CERK: variants seen among roughly 807,000 people sequenced by gnomAD.
CERK encodes the protein ceramide kinase, also known as acylsphingosine kinase.
Under a neutral mutation model 63.4 loss-of-function variants are expected in CERK, and 39 were observed. That is an observed-to-expected ratio of 0.61 (90% CI 0.48 to 0.80). The LOEUF (loss-of-function observed/expected upper bound fraction) is 0.80. CERK is among the 30% of genes least tolerant of loss of function. The probability of loss-of-function intolerance (pLI) is 0.00; values close to 1 mark genes in which losing one functional copy is unlikely to be tolerated. For synonymous variants in CERK, 302 were observed against 280.0 expected, an observed-to-expected ratio of 1.08 and a Z score of -0.78; for missense variants, 670 against 714.1, an observed-to-expected ratio of 0.94 and a Z score of 0.70.
At chr22:46,699,636 T>G (rs1022066090) in intron 7 of CERK, among the ~76,000 whole-genome samples, 171 bp from the exon 8 acceptor site, 25 of 152,240 alleles carry the variant, frequency 1.6e-4, no homozygotes, top group Admixed American at 1.6e-3. Flanking sequence ...GGATGCCATA[T>G]TTTTTATTCA....
intron 9 of CERK, 114 bp downstream of exon 9, chr22:46,695,096 G>A (rs1238134060): frequency 4.2e-5 from 27 of 638,574 alleles, no homozygotes; most frequent in African/African-American, 1.6e-4. Context: ...GTCTGGGCAC[G>A]CTACATCCGG....
intron 1 of CERK, among the ~76,000 whole-genome samples, chr22:46,725,492 G>A (rs1002064657): frequency 1.3e-5 from 2 of 152,192 alleles, no homozygotes; most frequent in African/African-American, 2.4e-5. Context: ...CGCACAGCAC[G>A]TGGTGTGTGG....
At chr22:46,720,308 A>G in intron 2 of CERK, 100 bp from the exon 3 acceptor site, 1 of 1,437,504 alleles carries the variant, frequency 7.0e-7, no homozygotes, top group Non-Finnish European at 9.3e-7. Context: ...TAGGTTCCTA[A>G]CCAAAATTTC....
chr22:46,722,924 A>T (rs1490771072), intron 1 of CERK, among the ~76,000 whole-genome samples: 1 of 152,084 alleles, frequency 6.6e-6, no homozygotes, highest in African/African-American at 2.4e-5. Flanking sequence ...TGGGTGGAGG[A>T]AGGCGACGTA....
At chr22:46,732,132 C>A (rs182317660) in intron 1 of CERK, among the ~76,000 whole-genome samples, 1 of 152,138 alleles carries the variant, frequency 6.6e-6, no homozygotes, top group Non-Finnish European at 1.5e-5. Context: ...ACCCAGCAGA[C>A]GTGTGGGATC....
intron 1 of CERK, among the ~76,000 whole-genome samples, chr22:46,724,626 G>A (rs905991115): frequency 2.6e-5 from 4 of 152,198 alleles, no homozygotes; most frequent in South Asian, 2.1e-4. Flanking sequence ...GGGGTGGAGC[G>A]ATGAACCCCA....
At chr22:46,698,022 G>A (rs571750890) in intron 8 of CERK, among the ~76,000 whole-genome samples, 16 of 152,314 alleles carry the variant, frequency 1.1e-4, no homozygotes, top group East Asian at 3.9e-4. Flanking sequence ...TGCATGTTCC[G>A]AAGCCCACCC....
intron 1 of CERK, among the ~76,000 whole-genome samples, chr22:46,734,572 T>C (rs907186228): frequency 2.0e-5 from 3 of 152,238 alleles, no homozygotes; most frequent in African/African-American, 7.2e-5. Context: ...GGGTGATGTT[T>C]ACACAGGTGC....
chr22:46,711,881 GGT>G (rs1365519751), intron 4 of CERK, among the ~76,000 whole-genome samples: 1 of 152,056 alleles, frequency 6.6e-6, no homozygotes, highest in Non-Finnish European at 1.5e-5. Flanking sequence ...TGAGCCCAGG[GGT>G]TCGAAACCAG....
chr22:46,722,316 G>C (rs1022365252), intron 1 of CERK, among the ~76,000 whole-genome samples: 1 of 152,178 alleles, frequency 6.6e-6, no homozygotes, highest in African/African-American at 2.4e-5. Flanking sequence ...CTGGGCCTTT[G>C]AGCACTGTAG....
chr22:46,691,719 G>A lies in CERK; in HGVS notation c.1185C>T (p.Asn395=). The A allele has an allele frequency of 5.6e-6, 9 of 1,613,706 alleles. No individual in the cohort carries two copies. The highest frequency in any genetic ancestry group is 7.6e-6 in the Non-Finnish European group (9 of 1,179,694). Residue 395 remains asparagine, a synonymous_variant, in exon 11 of 13, where the codon AAC becomes AAT. Coordinates refer to ENST00000216264, the MANE Select transcript of CERK (RefSeq NM_022766.6). ...GGCTCCGGCGACAAGCACAGGACAT[G>A]TTTGTGGCATTGATGGCCAGAAACT... The part of the protein sequence containing the change: ...CGKFLAINAT[N]MSCACRRSPR...
chr22:46,706,288 G>A (rs2082812644), intron 6 of CERK, among the ~76,000 whole-genome samples: 1 of 152,194 alleles, frequency 6.6e-6, no homozygotes, highest in Non-Finnish European at 1.5e-5. Context: ...CGAGCCGTCT[G>A]CTCCCGGCCA....
At chr22:46,707,694 TCCC>T in intron 6 of CERK, 146 bp downstream of exon 6, 1 of 861,644 alleles carries the variant, frequency 1.2e-6, no homozygotes, top group Non-Finnish European at 1.8e-6. Flanking sequence ...CTCAATGATA[TCCC>T]CCCAAGAGTG....
At chr22:46,694,984 C>T (rs1018732313) in intron 9 of CERK, among the ~76,000 whole-genome samples, 3 of 152,252 alleles carry the variant, frequency 2.0e-5, no homozygotes, top group Admixed American at 2.0e-4. Context: ...GAGTCCTCAT[C>T]CCTGGCACAG....
rs753033175 is a variant in CERK at position 46,691,052 on chromosome 22, T to TACACAC, written c.1332+519_1332+520insGTGTGT. On this transcript the variant is annotated intron_variant, in intron 11 of 12. Transcript: ENST00000216264. ...ATACACATACACACACATGTATACATACATACACACACACACACACACACA... is the reference window on the plus strand; with the variant it reads ...ATACACATACACACACATGTATACATACACACACATACACACACACACACACACACA... Among the ~76,000 whole-genome samples, 122 of 78,510 alleles carry TACACAC rather than the reference T, an allele frequency of 1.6e-3. 1 individual carries two copies. Among genetic ancestry groups the TACACAC allele is most frequent in the African/African-American group, 5.7e-3 (111 of 19,500 alleles). The allele number at this position is 78,510 out of a possible 152,430, so 51.5% of individuals were successfully genotyped here.
chr22:46,726,968 G>A (rs1021529525), intron 1 of CERK, among the ~76,000 whole-genome samples: 3 of 152,152 alleles, frequency 2.0e-5, no homozygotes, highest in African/African-American at 4.8e-5. Context: ...CCCAAGTTTC[G>A]TCTTTTATGG....
chr22:46,699,404 G>A lies in CERK; in HGVS notation c.852C>T (p.Ser284=), dbSNP rs377119102. The A allele has an allele frequency of 9.3e-6, 15 of 1,613,928 alleles. No homozygotes were observed. Among genetic ancestry groups the A allele is most frequent in the Middle Eastern group, 1.6e-4 (1 of 6,084 alleles). ...VHHNSTLLRY[S]VSLLGYGFYG... Reference sequence around the variant, plus strand: ...AGAAGCCGTAGCCCAGCAGGGACACGGAGTAGCGAAGGAGTGTGCTGTTGT... The same window carrying A: ...AGAAGCCGTAGCCCAGCAGGGACACAGAGTAGCGAAGGAGTGTGCTGTTGT... The change falls in exon 8 of 13, where the codon TCC becomes TCT. Residue 284 remains serine (S), a synonymous_variant. Transcript: ENST00000216264.
At chr22:46,737,460 C>G (rs1421209739) in intron 1 of CERK, among the ~76,000 whole-genome samples, 1 of 152,244 alleles carries the variant, frequency 6.6e-6, no homozygotes, top group Non-Finnish European at 1.5e-5. Context: ...CAACCCGTGG[C>G]ACGGAAACCA....
At chr22:46,718,814 C>T (rs936931563) in intron 3 of CERK, among the ~76,000 whole-genome samples, 12 of 152,190 alleles carry the variant, frequency 7.9e-5, no homozygotes, top group African/African-American at 2.7e-4. Context: ...TGGCTTACAC[C>T]TGTAATCCTA....
Sources: gnomAD v4.1 joint callset for allele counts (sites outside exome capture counted in the v4.1 genomes callset) on GRCh38, gnomAD v4.1.1 for gene constraint, MANE v1.5 for transcripts, NCBI Gene and HGNC (gene_info 2026-07-23, HGNC 2026-07-21) for gene names.